TNFRSF8: variants seen among roughly 807,000 people sequenced by gnomAD.
The protein encoded by TNFRSF8 is tumor necrosis factor receptor superfamily member 8.
In TNFRSF8, 26 loss-of-function variants were observed where a neutral mutation model predicts 70.8. The observed-to-expected ratio is 0.37, with a 90% CI of 0.27 to 0.51. The LOEUF is 0.51. Among genes scored for constraint, TNFRSF8 ranks in the 20% least tolerant of loss-of-function variants. The probability of loss-of-function intolerance (pLI) is 0.94; values close to 1 mark genes in which losing one functional copy is unlikely to be tolerated. For missense variants in TNFRSF8, 720 were observed against 807.9 expected (o/e 0.89, Z 1.32); for synonymous variants, 356 against 339.2 (o/e 1.05, Z -0.54).
intron 6 of TNFRSF8, among the ~76,000 whole-genome samples, chr1:12,111,481 C>G (rs943298811): frequency 6.6e-6 from 1 of 152,144 alleles, no homozygotes; most frequent in Non-Finnish European, 1.5e-5. Flanking sequence ...CGCGCCCGGC[C>G]CACACCAGTC....
chr1:12,067,056 G>GCT (rs1452816593), intron 1 of TNFRSF8, among the ~76,000 whole-genome samples: 17 of 152,206 alleles, frequency 1.1e-4, no homozygotes, highest in African/African-American at 4.1e-4. Context: ...CACCATCTGA[G>GCT]AGTTGGCCTC....
At chr1:12,078,696 C>T (rs79962432) in intron 1 of TNFRSF8, among the ~76,000 whole-genome samples, 2,390 of 152,278 alleles carry the variant, frequency 0.016, 58 homozygotes, top group African/African-American at 0.054. Flanking sequence ...AAATCCTGGC[C>T]CTAACACTGA....
At chr1:12,083,037 G>A (rs1479343320) in intron 1 of TNFRSF8, among the ~76,000 whole-genome samples, 1 of 152,086 alleles carries the variant, frequency 6.6e-6, no homozygotes, top group African/African-American at 2.4e-5. Context: ...TGCCTAAATG[G>A]TTAATAAATG....
intron 12 of TNFRSF8, among the ~76,000 whole-genome samples, chr1:12,128,711 C>T (rs974578831): frequency 1.3e-5 from 2 of 152,214 alleles, no homozygotes; most frequent in Middle Eastern, 3.4e-3. Context: ...TCCTATAGGA[C>T]GTTGTACAGC....
Position 12,112,039 on chromosome 1 carries a change from C to A in TNFRSF8, c.793+25C>A. The A allele has an allele frequency of 6.5e-7, 1 of 1,544,052 alleles. No homozygotes were observed. ...GGTAAGGGCCTCGTCCCTCCCCGGG[C>A]CTCAGTTTACCTCTCTGCATTTTTG... On this transcript the variant is annotated intron_variant, in intron 7 of 14. Coordinates refer to ENST00000263932, the MANE Select transcript of TNFRSF8 (RefSeq NM_001243.5). This position sits in a 1 kb window ranked among gnomAD's most constrained non-coding sequence, Gnocchi z 5.3.
intron 1 of TNFRSF8, among the ~76,000 whole-genome samples, chr1:12,073,805 A>G (rs1246063338): frequency 6.6e-6 from 1 of 151,750 alleles, no homozygotes; most frequent in Non-Finnish European, 1.5e-5. Flanking sequence ...CATGTTGGCC[A>G]AGCTGGTCTC....
At position 12,104,256 on chromosome 1, in the gene TNFRSF8, G is replaced by T. The variant is rs567252680; in HGVS notation, c.269-123G>T. ...ATCCAATTTTAGTGGTCACCAGGGG[G>T]TTGAGCTGGGAGGCGGAGGCTGCGT... On this transcript the variant is annotated intron_variant, in intron 3 of 14. Transcript: ENST00000263932. The T allele has an allele frequency of 4.1e-5, 42 of 1,013,554 alleles. No individual in the cohort carries two copies. In the East Asian group the frequency reaches 9.3e-4, roughly 22 times the overall value. The allele number at this position is 1,013,554 out of a possible 1,614,324, so 62.8% of individuals were successfully genotyped here. A position where few individuals can be genotyped will look rare whatever the true frequency, so the allele number is the denominator to read the frequency against.
intron 2 of TNFRSF8, among the ~76,000 whole-genome samples, chr1:12,093,158 C>T (rs988330520): frequency 3.3e-5 from 5 of 152,120 alleles, no homozygotes; most frequent in East Asian, 3.8e-4. Context: ...CCCACCCTAG[C>T]GGCTTCATTT....
chr1:12,104,578 T>G (rs994360067), intron 4 of TNFRSF8, 47 bp downstream of exon 4: 12 of 1,610,120 alleles, frequency 7.5e-6, no homozygotes, highest in Non-Finnish European at 1.0e-5. Flanking sequence ...ATGCTGTTGC[T>G]GCTGCACCTT....
Position 12,119,040 on chromosome 1 carries a change from T to C in TNFRSF8, c.946+3311T>C, listed in dbSNP as rs1445353932. Among the ~76,000 whole-genome samples the C allele has an allele frequency of 2.6e-5, 4 of 152,158 alleles. No homozygotes were observed. In the South Asian group the frequency reaches 8.3e-4, roughly 32 times the overall value. ...CCACCACGCCTGGCTAATTTTTGTA[T>C]TTTTAGTAGAGACAGGGTTTCACCA... On this transcript the variant is annotated intron_variant, in intron 8 of 14. Coordinates refer to ENST00000263932, the MANE Select transcript of TNFRSF8 (RefSeq NM_001243.5). This position sits in a 1 kb window ranked among gnomAD's most constrained non-coding sequence, Gnocchi z 4.4.
intron 4 of TNFRSF8, among the ~76,000 whole-genome samples, chr1:12,105,405 C>G (rs965986721): frequency 6.6e-6 from 1 of 152,074 alleles, no homozygotes; most frequent in African/African-American, 2.4e-5. Context: ...AGCCCATCCT[C>G]GAGTCCTGTA....
At chr1:12,067,550 A>G (rs550056608) in intron 1 of TNFRSF8, among the ~76,000 whole-genome samples, 17 of 152,134 alleles carry the variant, frequency 1.1e-4, no homozygotes, top group African/African-American at 3.9e-4. Context: ...TTAGCTGGGC[A>G]TGGTGGCAGG....
At chr1:12,116,878 T>G (rs1407849850) in intron 8 of TNFRSF8, among the ~76,000 whole-genome samples, 2 of 151,982 alleles carry the variant, frequency 1.3e-5, no homozygotes, top group Non-Finnish European at 2.9e-5. Flanking sequence ...AGGGGTGACT[T>G]GCTTCTAGGA....
intron 1 of TNFRSF8, among the ~76,000 whole-genome samples, chr1:12,075,431 A>G (rs1334723740): frequency 1.3e-5 from 2 of 152,008 alleles, no homozygotes; most frequent in African/African-American, 2.4e-5. Flanking sequence ...CCAGCATTTG[A>G]TGAAACGCTG....
intron 8 of TNFRSF8, among the ~76,000 whole-genome samples, chr1:12,116,461 A>G (rs1295708126): frequency 6.6e-6 from 1 of 152,146 alleles, no homozygotes; most frequent in Non-Finnish European, 1.5e-5. Flanking sequence ...GAGAGATTTT[A>G]ACAAATCTCC....
chr1:12,128,650 C>T (rs1264484942), intron 12 of TNFRSF8, among the ~76,000 whole-genome samples: 5 of 152,110 alleles, frequency 3.3e-5, no homozygotes, highest in Non-Finnish European at 7.4e-5. Flanking sequence ...ATTTTTCACC[C>T]TTGGCACCAT....
At chr1:12,089,008 C>T (rs1329748710) in intron 2 of TNFRSF8, among the ~76,000 whole-genome samples, 6 of 152,202 alleles carry the variant, frequency 3.9e-5, no homozygotes, top group Non-Finnish European at 8.8e-5. Context: ...TCCCTGTGTG[C>T]TTGACTCACA....
rs1206295584 is a variant in TNFRSF8 at position 12,112,036 on chromosome 1, G to A, written c.793+22G>A. On this transcript the variant is annotated intron_variant, in intron 7 of 14. Coordinates refer to ENST00000263932, the MANE Select transcript of TNFRSF8 (RefSeq NM_001243.5). The surrounding 1 kb of genome is among the most constrained non-coding windows in gnomAD (Gnocchi z 5.3). The stretch of plus-strand genomic sequence containing the variant: ...CGAGGTAAGGGCCTCGTCCCTCCCC[G>A]GGCCTCAGTTTACCTCTCTGCATTT... 3.2e-6 allele frequency: 5 copies of A among 1,585,612 alleles called. No homozygotes were observed. Among genetic ancestry groups the A allele is most frequent in the Non-Finnish European group, 3.5e-6 (4 of 1,155,758 alleles).
intron 1 of TNFRSF8, among the ~76,000 whole-genome samples, chr1:12,082,186 T>A (rs59346161): frequency 0.25 from 38,480 of 152,054 alleles, 5,243 homozygotes; most frequent in South Asian, 0.38. Context: ...CTCTCTTGAA[T>A]CCTTTCTTAT....
Sources: gnomAD v4.1 joint callset for allele counts (sites outside exome capture counted in the v4.1 genomes callset) on GRCh38, gnomAD v4.1.1 for gene constraint, Gnocchi (gnomAD v3.1) non-coding constraint, MANE v1.5 for transcripts, NCBI Gene and HGNC (gene_info 2026-07-23, HGNC 2026-07-21) for gene names.